Variants in SLC35D2 observed in about 807,000 individuals in gnomAD.
SLC35D2 encodes nucleotide sugar transporter SLC35D2.
In SLC35D2, 43 loss-of-function variants were observed where a neutral mutation model predicts 41.8. The ratio of observed to expected loss-of-function variants is 1.03; its 90% CI spans 0.81 to 1.33. The LOEUF (loss-of-function observed/expected upper bound fraction) is 1.33. SLC35D2 is among the 40% of genes most tolerant of loss of function. The pLI, the probability that SLC35D2 is intolerant of heterozygous loss-of-function variation, is 0.00. For synonymous variants in SLC35D2, 150 were observed against 163.9 expected, an observed-to-expected ratio of 0.92 and a Z score of 0.65; for missense variants, 380 against 408.4, an observed-to-expected ratio of 0.93 and a Z score of 0.60.
rs1028964339 is a variant in SLC35D2 at position 96,352,093 on chromosome 9, C to T, written c.364G>A (p.Val122Met). The stretch of plus-strand genomic sequence containing the variant: ...AGTGGAATGGTGAATTTCCTGAGCA[C>T]GGTGAACATCGGTAGGCTGCCAGGA... ...TSKLSLPMFT[V>M]LRKFTIPLTL... Residue 122 changes from valine (V) to methionine (M), a missense_variant, in exon 5 of 12, where the codon GTG (valine) becomes ATG (methionine). Coordinates refer to ENST00000253270, the MANE Select transcript of SLC35D2 (RefSeq NM_007001.3). 13 of 1,611,430 alleles carry T rather than the reference C, an allele frequency of 8.1e-6. No homozygotes were observed. The highest frequency in any genetic ancestry group is 4.0e-5 in the African/African-American group (3 of 74,814).
chr9:96,345,432 T>G, intron 6 of SLC35D2, 31 bp from the exon 7 acceptor site: 1 of 1,326,324 alleles, frequency 7.5e-7, no homozygotes, highest in Non-Finnish European at 1.1e-6. Flanking sequence ...GGAGAATGAT[T>G]ACTCAAAAAC....
chr9:96,335,319 G>A (rs1260858817), intron 9 of SLC35D2, among the ~76,000 whole-genome samples: 3 of 152,138 alleles, frequency 2.0e-5, no homozygotes, highest in South Asian at 2.1e-4. Context: ...GTGTGGAGGC[G>A]AGGAAGAATG....
At chr9:96,381,801 A>G (rs1831209040) in intron 1 of SLC35D2, among the ~76,000 whole-genome samples, 1 of 152,122 alleles carries the variant, frequency 6.6e-6, no homozygotes, top group Non-Finnish European at 1.5e-5. Flanking sequence ...AAATGAGAGA[A>G]AGAGCTGACT....
chr9:96,380,570 G>A (rs1650786353), intron 1 of SLC35D2, among the ~76,000 whole-genome samples: 1 of 150,968 alleles, frequency 6.6e-6, no homozygotes, highest in Non-Finnish European at 1.5e-5. Context: ...TGATTCTCCT[G>A]ACTCAGCCTC....
intron 9 of SLC35D2, 77 bp from the exon 10 acceptor site, chr9:96,324,246 A>AC: frequency 1.7e-6 from 2 of 1,145,108 alleles, no homozygotes; most frequent in African/African-American, 1.5e-5. Flanking sequence ...GCCAGCAGTG[A>AC]CCCCCACACA....
intron 6 of SLC35D2, among the ~76,000 whole-genome samples, chr9:96,345,826 C>T (rs1338324195): frequency 6.6e-6 from 1 of 152,210 alleles, no homozygotes; most frequent in Non-Finnish European, 1.5e-5. Flanking sequence ...AGAGGGGTCG[C>T]ATGAGGCAGC....
chr9:96,375,981 T>G (rs1166865781), intron 1 of SLC35D2, among the ~76,000 whole-genome samples: 1 of 151,674 alleles, frequency 6.6e-6, no homozygotes, highest in Non-Finnish European at 1.5e-5. Flanking sequence ...GCCAATATGG[T>G]GAAACCCCAT....
chr9:96,316,893 C>G (rs1416413943), downstream of SLC35D2, among the ~76,000 whole-genome samples: 1 of 152,138 alleles, frequency 6.6e-6, no homozygotes, highest in African/African-American at 2.4e-5. Context: ...AATCCCAGCA[C>G]TTTGGGAGGC....
intron 9 of SLC35D2, among the ~76,000 whole-genome samples, chr9:96,331,285 G>A (rs1020270532): frequency 1.2e-4 from 18 of 152,224 alleles, no homozygotes; most frequent in African/African-American, 3.6e-4. Context: ...AGACAAATGC[G>A]TGATTGCCTC....
chr9:96,354,246 A>G (rs1829928752), intron 4 of SLC35D2, among the ~76,000 whole-genome samples: 1 of 152,198 alleles, frequency 6.6e-6, no homozygotes, highest in Admixed American at 6.6e-5. Context: ...TCTATTCAAC[A>G]CTGTATTTGA....
intron 9 of SLC35D2, 74 bp from the exon 10 acceptor site, chr9:96,324,243 G>A (rs1420124034): frequency 4.1e-6 from 5 of 1,218,074 alleles, no homozygotes; most frequent in Non-Finnish European, 6.0e-6. Flanking sequence ...AAGGCCAGCA[G>A]TGACCCCCAC....
At chr9:96,315,471 T>C (rs1334924364) in intron 11 of SLC35D2, among the ~76,000 whole-genome samples, 1 of 150,682 alleles carries the variant, frequency 6.6e-6, no homozygotes, top group Non-Finnish European at 1.5e-5. Context: ...TCTCGCTCTG[T>C]TGCCCAGGCT....
In SLC35D2 at chr9:96,321,140, G is replaced by C. The variant is rs1036948220; in HGVS notation, c.*102C>G. The C allele has an allele frequency of 4.1e-5, 33 of 813,210 alleles. No individual in the cohort carries two copies. Among genetic ancestry groups the C allele is most frequent in the Non-Finnish European group, 5.6e-5 (27 of 486,296 alleles). 50.4% of individuals were successfully genotyped at this position (813,210 alleles called of 1,614,324 possible). Reference sequence around the variant, plus strand: ...TTGCAGATGCTCTCACTTGCCCAGGGGGTGGATGTCACGAATCCGAAACCT... The same window carrying C: ...TTGCAGATGCTCTCACTTGCCCAGGCGGTGGATGTCACGAATCCGAAACCT... On this transcript the variant is annotated 3_prime_UTR_variant, in exon 12 of 12. Transcript: ENST00000253270.
At chr9:96,322,652 G>A (rs1305853658) in intron 10 of SLC35D2, among the ~76,000 whole-genome samples, 3 of 151,942 alleles carry the variant, frequency 2.0e-5, no homozygotes, top group African/African-American at 7.3e-5. Flanking sequence ...GAGGAAGAGT[G>A]GGGCTGTCAT....
chr9:96,361,956 C>T lies in SLC35D2; in HGVS notation c.280-1735G>A, dbSNP rs147688889. ...ACGGCAGCCTCAGCTAACACATGTA[C>T]GCCAGGGTCCAACTAGAAGCATGTT... is the stretch of plus-strand genomic sequence containing the variant. On this transcript the variant is annotated intron_variant, in intron 3 of 11. Transcript: ENST00000253270. 2.1e-3 allele frequency among the ~76,000 whole-genome samples: 317 copies of T among 152,254 alleles called. 2 individuals are homozygous for T. The highest frequency in any genetic ancestry group is 7.5e-3 in the African/African-American group (312 of 41,558).
intron 1 of SLC35D2, among the ~76,000 whole-genome samples, chr9:96,376,905 C>T (rs368575755): frequency 3.2e-4 from 49 of 151,536 alleles, no homozygotes; most frequent in African/African-American, 1.1e-3. Flanking sequence ...CCACTGCGCC[C>T]GGCCATGGGG....
intron 1 of SLC35D2, among the ~76,000 whole-genome samples, chr9:96,377,936 G>A (rs1831025387): frequency 6.6e-6 from 1 of 152,188 alleles, no homozygotes; most frequent in Non-Finnish European, 1.5e-5. Context: ...GGTGGGTAAG[G>A]CAAAGATCCA....
intron 1 of SLC35D2, among the ~76,000 whole-genome samples, chr9:96,373,012 G>C (rs1375287677): frequency 6.6e-6 from 1 of 151,014 alleles, no homozygotes; most frequent in African/African-American, 2.4e-5. Flanking sequence ...CAATTCTCCT[G>C]CCTCAGCCTT....
intron 2 of SLC35D2, among the ~76,000 whole-genome samples, chr9:96,366,533 T>G (rs1023032517): frequency 4.7e-5 from 7 of 147,678 alleles, no homozygotes; most frequent in African/African-American, 1.7e-4. Flanking sequence ...TTTTTTTTTT[T>G]TTTTTTTGAG....
Sources: gnomAD v4.1 joint callset for allele counts (sites outside exome capture counted in the v4.1 genomes callset) on GRCh38, gnomAD v4.1.1 for gene constraint, MANE v1.5 for transcripts, NCBI Gene and HGNC (gene_info 2026-07-23, HGNC 2026-07-21) for gene names.